AJAP1: variants seen among roughly 807,000 people sequenced by gnomAD.
The protein encoded by AJAP1 is adherens junction-associated protein 1.
In AJAP1, 5 loss-of-function variants were observed where a neutral mutation model predicts 35.0. That is an observed-to-expected ratio of 0.14 (90% confidence interval 0.07 to 0.30). AJAP1 has a LOEUF of 0.30. Ranked by LOEUF, AJAP1 falls within the 10% of genes least tolerant of loss-of-function variation. The pLI, the probability that AJAP1 is intolerant of heterozygous loss-of-function variation, is 1.00. For synonymous variants in AJAP1, 284 were observed against 249.3 expected (o/e 1.14, Z -1.31); for missense variants, 586 against 571.0 (o/e 1.03, Z -0.27).
intron 2 of AJAP1, among the ~76,000 whole-genome samples, chr1:4,765,548 C>A (rs1365580829): frequency 7.9e-6 from 1 of 125,954 alleles, no homozygotes; most frequent in Non-Finnish European, 1.7e-5. Context: ...GAGAATGGTG[C>A]CATTTGCATA....
chr1:4,658,862 C>A (rs1206659409), intron 1 of AJAP1, among the ~76,000 whole-genome samples: 1 of 152,196 alleles, frequency 6.6e-6, no homozygotes, highest in East Asian at 1.9e-4. Flanking sequence ...GTCTCTGGGT[C>A]CCTGGAGGCA....
At chr1:4,663,535 G>A (rs1251314834) in intron 1 of AJAP1, among the ~76,000 whole-genome samples, 3 of 152,204 alleles carry the variant, frequency 2.0e-5, no homozygotes, top group East Asian at 1.9e-4. Flanking sequence ...AGATGACAGC[G>A]AACCCATGGC....
Position 4,673,222 on chromosome 1 carries a change from G to T in AJAP1, c.29+17768G>T, listed in dbSNP as rs866626355. On this transcript the variant is annotated intron_variant, in intron 1 of 5. Coordinates refer to ENST00000378191, the MANE Select transcript of AJAP1 (RefSeq NM_018836.4). ...AACTGTGAGCTCATAGGTGGGGTTGGGGGGGTGTTTACACTCCTGTGTTTG... is the reference window on the plus strand; with the variant it reads ...AACTGTGAGCTCATAGGTGGGGTTGTGGGGGTGTTTACACTCCTGTGTTTG... Among the ~76,000 whole-genome samples the T allele has an allele frequency of 7.9e-5, 12 of 152,266 alleles. No individual in the cohort carries two copies. The South Asian group carries it at 2.5e-3, about 32-fold the overall frequency.
Position 4,772,299 on chromosome 1 carries a change from A to T in AJAP1, c.937A>T (p.Thr313Ser), listed in dbSNP as rs757025119. Residue 313 changes from threonine (T) to serine (S), a missense_variant, in exon 4 of 6, where the codon ACT becomes TCT. Coordinates refer to ENST00000378191, the MANE Select transcript of AJAP1 (RefSeq NM_018836.4). ...LKNCCAQSGN[T>S]RRNSHQRKTN... is the part of the protein sequence containing the mutation. ...TTCCAGCTGTGCCCAAAGCGGGAAC[A>T]CTCGTCGGAACAGCCACCAGCGGAA... is the stretch of plus-strand genomic sequence containing the variant. The T allele has an allele frequency of 3.7e-6, 6 of 1,613,972 alleles. No individual in the cohort carries two copies. The East Asian group carries it at 1.3e-4, about 36-fold the overall frequency.
intron 2 of AJAP1, among the ~76,000 whole-genome samples, chr1:4,761,732 G>C (rs1160790134): frequency 6.6e-6 from 1 of 152,230 alleles, no homozygotes; most frequent in East Asian, 1.9e-4. Flanking sequence ...GAGTCCAAAA[G>C]CTGAAGAACT....
At chr1:4,700,757 C>T (rs945146029) in intron 1 of AJAP1, among the ~76,000 whole-genome samples, 1 of 152,170 alleles carries the variant, frequency 6.6e-6, no homozygotes, top group Non-Finnish European at 1.5e-5. Context: ...TGCCCAGCAG[C>T]CGAGGCTGCA....
Position 4,655,882 on chromosome 1 carries a change from C to A in AJAP1, c.29+428C>A, listed in dbSNP as rs1638870156. On this transcript the variant is annotated intron_variant, in intron 1 of 5. Coordinates refer to ENST00000378191, the MANE Select transcript of AJAP1 (RefSeq NM_018836.4). The surrounding 1 kb of genome is among the most constrained non-coding windows in gnomAD (Gnocchi z 6.9). The stretch of plus-strand genomic sequence containing the variant: ...GAAAGCTAAAGCTCCGGGCTCCCAG[C>A]GAGAGCTTCGCAGGCGGAGTTGGAG... Among the ~76,000 whole-genome samples, 1 of 151,560 alleles carries A rather than the reference C, an allele frequency of 6.6e-6. No homozygotes were observed. The highest frequency in any genetic ancestry group is 2.4e-5 in the African/African-American group (1 of 41,354).
Position 4,692,484 on chromosome 1 carries a change from G to A in AJAP1, c.30-19416G>A, listed in dbSNP as rs1048433770. ...CTGGCTGGGTCCCAAGGAAGCACCT[G>A]CCCCCAAATTCCCCACCCCAGGCAT... On this transcript the variant is annotated intron_variant, in intron 1 of 5. Coordinates refer to ENST00000378191, the MANE Select transcript of AJAP1 (RefSeq NM_018836.4). This position sits in a 1 kb window ranked among gnomAD's most constrained non-coding sequence, Gnocchi z 4.4. 1.3e-5 allele frequency among the ~76,000 whole-genome samples: 2 copies of A among 152,130 alleles called. No homozygotes were observed.
intron 1 of AJAP1, among the ~76,000 whole-genome samples, chr1:4,682,599 A>G (rs1639507292): frequency 9.2e-5 from 14 of 152,110 alleles, no homozygotes; most frequent in Admixed American, 9.2e-4. Flanking sequence ...TGGTTCCTGT[A>G]TCCTCCCTCC....
At chr1:4,779,762 G>C (rs1453467214) in intron 5 of AJAP1, among the ~76,000 whole-genome samples, 1 of 151,882 alleles carries the variant, frequency 6.6e-6, no homozygotes, top group East Asian at 1.9e-4. Context: ...CCCAGTGTAG[G>C]GTCTCGAAGC....
At position 4,692,389 on chromosome 1, in the gene AJAP1, C is replaced by T. The variant is rs113919697; in HGVS notation, c.30-19511C>T. ...AGCCTGCAGGAGAGGCTGGGGGGCA[C>T]GTCTGAGGGTGCAGCAGAGGGATAT... On this transcript the variant is annotated intron_variant, in intron 1 of 5. Coordinates refer to ENST00000378191, the MANE Select transcript of AJAP1 (RefSeq NM_018836.4). This position sits in a 1 kb window ranked among gnomAD's most constrained non-coding sequence, Gnocchi z 4.4. 1.3e-5 allele frequency among the ~76,000 whole-genome samples: 2 copies of T among 152,178 alleles called. No homozygotes were observed. The highest frequency in any genetic ancestry group is 4.8e-5 in the African/African-American group (2 of 41,536).
chr1:4,668,480 A>C (rs1639185812), intron 1 of AJAP1, among the ~76,000 whole-genome samples: 1 of 152,190 alleles, frequency 6.6e-6, no homozygotes, highest in Admixed American at 6.5e-5. Context: ...TTAAAAATGT[A>C]ATTAACAAAA....
chr1:4,748,313 A>G (rs1462347744), intron 2 of AJAP1, among the ~76,000 whole-genome samples: 2 of 152,132 alleles, frequency 1.3e-5, no homozygotes, highest in Non-Finnish European at 2.9e-5. Flanking sequence ...GGTGTGTTAC[A>G]TGCATGATCT....
At chr1:4,714,065 C>T (rs1013182222) in intron 2 of AJAP1, among the ~76,000 whole-genome samples, 2 of 152,190 alleles carry the variant, frequency 1.3e-5, no homozygotes, top group African/African-American at 2.4e-5. Flanking sequence ...GTCCTTCAGC[C>T]GGTGACCTAC....
rs138869849 is a variant in AJAP1 at position 4,744,067 on chromosome 1, C to T, written c.830-25786C>T. ...AAGGGGTCATGGGACGAGAGTGGGACGTGACCTCCAGGGACGTCTGAGTGT... is the reference window on the plus strand; with the variant it reads ...AAGGGGTCATGGGACGAGAGTGGGATGTGACCTCCAGGGACGTCTGAGTGT... On this transcript the variant is annotated intron_variant, in intron 2 of 5. Transcript: ENST00000378191. 1.5e-3 allele frequency among the ~76,000 whole-genome samples: 228 copies of T among 152,264 alleles called. 2 individuals carry two copies. Among genetic ancestry groups the T allele is most frequent in the African/African-American group, 4.5e-3 (187 of 41,542 alleles).
chr1:4,697,306 G>A (rs1639886000), intron 1 of AJAP1, among the ~76,000 whole-genome samples: 1 of 152,244 alleles, frequency 6.6e-6, no homozygotes, highest in African/African-American at 2.4e-5. Context: ...GGTGCCCACA[G>A]CACAGGGCTG....
chr1:4,697,157 T>C (rs1639882507), intron 1 of AJAP1, among the ~76,000 whole-genome samples: 1 of 152,252 alleles, frequency 6.6e-6, no homozygotes, highest in Non-Finnish European at 1.5e-5. Context: ...TGTGTGTGCA[T>C]GCCTGACTGT....
intron 2 of AJAP1, among the ~76,000 whole-genome samples, chr1:4,717,384 T>C (rs1640418318): frequency 6.6e-6 from 1 of 152,212 alleles, no homozygotes. Context: ...CCCCAGCTCA[T>C]GTTCTGTCTC....
At chr1:4,669,777 C>T (rs1639211618) in intron 1 of AJAP1, among the ~76,000 whole-genome samples, 2 of 152,174 alleles carry the variant, frequency 1.3e-5, no homozygotes, top group Non-Finnish European at 2.9e-5. Context: ...TTCTGTGCCA[C>T]ACTGCAGATA....
Sources: allele counts gnomAD v4.1 joint callset (sites outside exome capture counted in the v4.1 genomes callset), GRCh38; gene constraint gnomAD v4.1.1; non-coding constraint Gnocchi (gnomAD v3.1); transcripts MANE v1.5; gene names NCBI Gene and HGNC (gene_info 2026-07-23, HGNC 2026-07-21).